NDST1: variants seen among roughly 807,000 people sequenced by gnomAD.
The protein encoded by NDST1 is N-deacetylase and N-sulfotransferase 1.
In NDST1, 35 loss-of-function variants were observed where a neutral mutation model predicts 92.8. The ratio of observed to expected loss-of-function variants is 0.38; its 90% CI spans 0.29 to 0.50. NDST1 has a LOEUF of 0.50. NDST1 is among the 20% of genes least tolerant of loss of function. The pLI, the probability that NDST1 is intolerant of heterozygous loss-of-function variation, is 0.94. For missense variants in NDST1, 822 were observed against 1,182.7 expected (o/e 0.69, Z 4.47); for synonymous variants, 493 against 500.3 (o/e 0.99, Z 0.19).
chr5:150,535,135 CCTCTGGGCCAGGGCCA>C, intron 5 of NDST1, 114 bp downstream of exon 5: 1 of 1,464,358 alleles, frequency 6.8e-7, no homozygotes, highest in South Asian at 1.2e-5. Context: ...TTTACTAACA[CCTCTGGGCCAGGGCCA>C]AGGGAGAGCT....
intron 1 of NDST1, among the ~76,000 whole-genome samples, chr5:150,513,810 C>T (rs10463299): frequency 0.14 from 21,888 of 152,266 alleles, 1,865 homozygotes; most frequent in South Asian, 0.24. Flanking sequence ...GCCCTTGTAC[C>T]TCTGCCCCTT....
In NDST1 at chr5:150,553,158, G is replaced by C; in HGVS notation, c.2530-55G>C. The C allele has an allele frequency of 1.3e-6, 2 of 1,594,994 alleles. No homozygotes were observed. Among genetic ancestry groups the C allele is most frequent in the Middle Eastern group, 1.7e-4 (1 of 5,970 alleles). On this transcript the variant is annotated intron_variant, in intron 14 of 14. Coordinates refer to ENST00000261797, the MANE Select transcript of NDST1 (RefSeq NM_001543.5). The surrounding 1 kb of genome is among the most constrained non-coding windows in gnomAD (Gnocchi z 4.2). ...GCCCGGCCGAGCATGGCGATTTTTA[G>C]AGGAGGTCACTCTTAAGTCAGTACA... is the stretch of plus-strand genomic sequence containing the variant.
At chr5:150,548,444 TAGCGGAG>T (rs746919088) in intron 12 of NDST1, 56 bp downstream of exon 12, 1 of 1,581,606 alleles carries the variant, frequency 6.3e-7, no homozygotes, top group Non-Finnish European at 8.6e-7. Context: ...TTGCTGTGGT[TAGCGGAG>T]AGCCTCCAAC....
Position 150,554,474 on chromosome 5 carries a change from G to C in NDST1, c.*1142G>C, listed in dbSNP as rs146885236. The C allele has an allele frequency of 6.6e-6, 1 of 152,378 alleles. No homozygotes were observed. The highest frequency in any genetic ancestry group is 1.5e-5 in the Non-Finnish European group (1 of 68,064). 9.4% of individuals were successfully genotyped at this position (152,378 alleles called of 1,614,324 possible). A position where few individuals can be genotyped will look rare whatever the true frequency, so the allele number is the denominator to read the frequency against. On this transcript the variant is annotated 3_prime_UTR_variant, in exon 15 of 15. Transcript: ENST00000261797. ...CACCCTGTCTTAGAGCTAGAGATGA[G>C]GTGGCAGGGAGGGAGGCTGTGTCCT...
chr5:150,510,104 C>G (rs768056170), intron 1 of NDST1, among the ~76,000 whole-genome samples: 18 of 152,190 alleles, frequency 1.2e-4, no homozygotes, highest in Non-Finnish European at 2.9e-5. Context: ...CTCTGCCCAG[C>G]TGTGTGACTT....
chr5:150,543,746 G>A (rs1755350051), intron 10 of NDST1, among the ~76,000 whole-genome samples: 3 of 150,818 alleles, frequency 2.0e-5, no homozygotes, highest in Admixed American at 1.3e-4. Flanking sequence ...ATGTCAGTGG[G>A]TTCCCTGGGT....
chr5:150,541,142 C>T (rs1755228985), intron 8 of NDST1, among the ~76,000 whole-genome samples: 1 of 152,198 alleles, frequency 6.6e-6, no homozygotes, highest in Admixed American at 6.5e-5. Context: ...CACGCTCATT[C>T]TTGTATCTAC....
chr5:150,530,765 G>A (rs1754692596), intron 3 of NDST1, among the ~76,000 whole-genome samples: 1 of 151,784 alleles, frequency 6.6e-6, no homozygotes, highest in African/African-American at 2.4e-5. Flanking sequence ...TTGCCATATT[G>A]CCCAGGCCGA....
chr5:150,527,732 G>T, intron 2 of NDST1, 72 bp from the exon 3 acceptor site: 1 of 1,599,624 alleles, frequency 6.3e-7, no homozygotes, highest in South Asian at 1.1e-5. Context: ...TGGTCCACAT[G>T]TGAGAGACTG....
At chr5:150,519,409 G>T (rs1754136923) in intron 1 of NDST1, among the ~76,000 whole-genome samples, 1 of 152,178 alleles carries the variant, frequency 6.6e-6, no homozygotes, top group Admixed American at 6.5e-5. Context: ...TGCTGTGACT[G>T]ATAGTTGCTC....
At chr5:150,531,585 C>T (rs1243136347) in intron 3 of NDST1, among the ~76,000 whole-genome samples, 3 of 151,266 alleles carry the variant, frequency 2.0e-5, no homozygotes, top group African/African-American at 4.9e-5. Flanking sequence ...CTGCAACCTC[C>T]GCCTCCTGGG....
At chr5:150,500,231 C>T (rs891021733) in intron 1 of NDST1, among the ~76,000 whole-genome samples, 1 of 152,212 alleles carries the variant, frequency 6.6e-6, no homozygotes, top group Admixed American at 6.5e-5. Flanking sequence ...CACCCGCTGC[C>T]TCCTGCTCTG....
chr5:150,545,604 C>T, intron 11 of NDST1, 118 bp downstream of exon 11: 1 of 1,327,412 alleles, frequency 7.5e-7, no homozygotes, highest in South Asian at 1.3e-5. Flanking sequence ...CAGCCCTGAG[C>T]CAGGCGCCTG....
chr5:150,507,423 C>G (rs1753509055), upstream of NDST1, among the ~76,000 whole-genome samples: 1 of 152,354 alleles, frequency 6.6e-6, no homozygotes, highest in East Asian at 1.9e-4. Flanking sequence ...CCAGCCTGGC[C>G]CTTTTCCAGT....
At chr5:150,505,576 T>C (rs1753413504), upstream of NDST1, among the ~76,000 whole-genome samples, 1 of 152,132 alleles carries the variant, frequency 6.6e-6, no homozygotes, top group East Asian at 1.9e-4. Flanking sequence ...GGTGGTTGTA[T>C]AATGTGTATT....
chr5:150,510,658 A>C (rs368812805), intron 1 of NDST1, among the ~76,000 whole-genome samples: 29 of 152,362 alleles, frequency 1.9e-4, no homozygotes, highest in African/African-American at 2.9e-4. Flanking sequence ...TGTTGGAAGA[A>C]GGACACATTC....
At chr5:150,525,520 T>C (rs1046463848) in intron 2 of NDST1, among the ~76,000 whole-genome samples, 1 of 152,052 alleles carries the variant, frequency 6.6e-6, no homozygotes, top group Non-Finnish European at 1.5e-5. Flanking sequence ...CAGCCTGGAG[T>C]TGGGGAGGTA....
At position 150,556,004 on chromosome 5, in the gene NDST1, G is replaced by C. The variant is rs867933806; in HGVS notation, c.*2672G>C. 1 of 152,386 alleles carries C rather than the reference G, an allele frequency of 6.6e-6. No homozygotes were observed. Among genetic ancestry groups the C allele is most frequent in the African/African-American group, 2.4e-5 (1 of 41,440 alleles). 9.4% of individuals were successfully genotyped at this position (152,386 alleles called of 1,614,324 possible). ...ACACTGCCGGGACTTGCAGGTATGGGGGGTAGAAGGAGAGGCAGATAAGCT... is the reference window on the plus strand; with the variant it reads ...ACACTGCCGGGACTTGCAGGTATGGCGGGTAGAAGGAGAGGCAGATAAGCT... On this transcript the variant is annotated 3_prime_UTR_variant, in exon 15 of 15. Transcript: ENST00000261797.
At chr5:150,518,489 G>A (rs1229646522) in intron 1 of NDST1, among the ~76,000 whole-genome samples, 1 of 152,184 alleles carries the variant, frequency 6.6e-6, no homozygotes, top group Non-Finnish European at 1.5e-5. Context: ...TCATGGCAGA[G>A]CTGAGACCAG....
Sources: gnomAD v4.1 joint callset for allele counts (sites outside exome capture counted in the v4.1 genomes callset) on GRCh38, gnomAD v4.1.1 for gene constraint, Gnocchi (gnomAD v3.1) non-coding constraint, MANE v1.5 for transcripts, NCBI Gene and HGNC (gene_info 2026-07-23, HGNC 2026-07-21) for gene names.